TOX: variants seen among roughly 807,000 people sequenced by gnomAD.
The protein encoded by TOX is thymocyte selection associated high mobility group box, also known as thymocyte selection-associated high mobility group box protein TOX.
In TOX, 11 loss-of-function variants were observed where a neutral mutation model predicts 53.7. The observed-to-expected ratio is 0.20, with a 90% CI of 0.13 to 0.34. The LOEUF (loss-of-function observed/expected upper bound fraction) is 0.34, where lower values mean the gene tolerates loss of function less well. Among genes scored for constraint, TOX ranks in the 10% least tolerant of loss-of-function variants. The probability of loss-of-function intolerance (pLI) is 1.00; values close to 1 mark genes in which losing one functional copy is unlikely to be tolerated. For synonymous variants in TOX, 225 were observed against 245.3 expected, an observed-to-expected ratio of 0.92 and a Z score of 0.77; for missense variants, 570 against 664.6, an observed-to-expected ratio of 0.86 and a Z score of 1.56.
chr8:58,909,080 AGT>A (rs1811867522), intron 3 of TOX, among the ~76,000 whole-genome samples: 1 of 152,218 alleles, frequency 6.6e-6, no homozygotes, highest in Non-Finnish European at 1.5e-5. Flanking sequence ...TTTCAACTCT[AGT>A]CACACATTAG....
intron 3 of TOX, among the ~76,000 whole-genome samples, chr8:58,872,385 G>A (rs908374415): frequency 6.6e-6 from 1 of 152,058 alleles, no homozygotes; most frequent in Admixed American, 6.6e-5. Context: ...CCTTCAGAAG[G>A]GGGGAGCACA....
At chr8:58,972,796 T>C (rs1047279488) in intron 1 of TOX, among the ~76,000 whole-genome samples, 60 of 152,332 alleles carry the variant, frequency 3.9e-4, no homozygotes, top group African/African-American at 1.3e-3. Context: ...CACTTCATAT[T>C]TGCTATAAAA....
chr8:58,810,105 CCTTCCAGGTAGCTAGAA>C (rs569407788), intron 7 of TOX, among the ~76,000 whole-genome samples: 32 of 152,108 alleles, frequency 2.1e-4, no homozygotes, highest in African/African-American at 7.5e-4. Flanking sequence ...TATGCCTTGG[CCTTCCAGGTAGCTAGAA>C]CTACAGGTGT....
intron 2 of TOX, among the ~76,000 whole-genome samples, chr8:58,951,089 TC>T (rs1215463030): frequency 6.6e-6 from 1 of 152,214 alleles, no homozygotes; most frequent in Non-Finnish European, 1.5e-5. Flanking sequence ...TTGAAGTATG[TC>T]AACATTTTGT....
chr8:59,104,077 T>A (rs1451535563), intron 1 of TOX, among the ~76,000 whole-genome samples: 1 of 152,206 alleles, frequency 6.6e-6, no homozygotes, highest in Non-Finnish European at 1.5e-5. Flanking sequence ...AAAAGATAGA[T>A]CAATTGCTGG....
rs568146808 is a variant in TOX, at chr8:59,022,316, G to A, written c.103-62308C>T. On this transcript the variant is annotated intron_variant, in intron 1 of 8. Transcript: ENST00000361421. ...CACCCACAATTATCTCACTAATGGA[G>A]GGGGAGGATCAGTGTAGAAAACCCA... Among the ~76,000 whole-genome samples the A allele has an allele frequency of 1.7e-4, 26 of 152,232 alleles. No individual in the cohort carries two copies. The South Asian group carries it at 5.4e-3, about 32-fold the overall frequency.
chr8:58,896,329 T>C (rs1009031404), intron 3 of TOX, among the ~76,000 whole-genome samples: 5 of 152,140 alleles, frequency 3.3e-5, no homozygotes, highest in African/African-American at 9.7e-5. Context: ...AAATAGGTAA[T>C]GAATGTGTCA....
chr8:58,985,564 G>C (rs1171010156), intron 1 of TOX, among the ~76,000 whole-genome samples: 1 of 152,158 alleles, frequency 6.6e-6, no homozygotes, highest in East Asian at 1.9e-4. Context: ...ATGTACTGGA[G>C]ATTGGTTACA....
At chr8:58,967,331 G>A (rs1458621374) in intron 1 of TOX, among the ~76,000 whole-genome samples, 1 of 152,078 alleles carries the variant, frequency 6.6e-6, no homozygotes, top group Non-Finnish European at 1.5e-5. Flanking sequence ...TAATAATCCT[G>A]TAATATTATT....
chr8:58,914,983 G>A (rs1327749879), intron 3 of TOX, among the ~76,000 whole-genome samples: 1 of 151,754 alleles, frequency 6.6e-6, no homozygotes, highest in Non-Finnish European at 1.5e-5. Context: ...CGAATATTGC[G>A]CTTTTCAGAC....
intron 1 of TOX, chr8:58,992,114 A>T (rs1813464597): frequency 6.6e-6 from 1 of 152,250 alleles, no homozygotes; most frequent in African/African-American, 2.4e-5. Flanking sequence ...TTTGTAGTTT[A>T]TGTAAAAATA....
chr8:58,912,212 A>G (rs998458205), intron 3 of TOX, among the ~76,000 whole-genome samples: 2 of 152,224 alleles, frequency 1.3e-5, no homozygotes, highest in Non-Finnish European at 2.9e-5. Flanking sequence ...AAAGAAGTAC[A>G]ATTTACTTTA....
intron 1 of TOX, among the ~76,000 whole-genome samples, chr8:59,040,482 T>C (rs544401794): frequency 6.6e-6 from 1 of 152,356 alleles, no homozygotes; most frequent in South Asian, 2.1e-4. Flanking sequence ...ATGGGCATTT[T>C]GTCAAGCTCA....
At chr8:59,075,866 G>A (rs949019167) in intron 1 of TOX, among the ~76,000 whole-genome samples, 3 of 152,062 alleles carry the variant, frequency 2.0e-5, no homozygotes, top group African/African-American at 4.8e-5. Flanking sequence ...TTAGCCAGGC[G>A]TGGTGGTGCA....
chr8:58,935,824 A>G (rs1180753911), intron 3 of TOX, among the ~76,000 whole-genome samples: 1 of 152,250 alleles, frequency 6.6e-6, no homozygotes, highest in Non-Finnish European at 1.5e-5. Flanking sequence ...CAAATTTAAT[A>G]TTCAAAGTTT....
chr8:59,098,925 T>C (rs999569859), intron 1 of TOX, among the ~76,000 whole-genome samples: 2 of 152,220 alleles, frequency 1.3e-5, no homozygotes, highest in Non-Finnish European at 2.9e-5. Context: ...CGATGTGAAT[T>C]AAAAAGAGTG....
intron 1 of TOX, among the ~76,000 whole-genome samples, chr8:59,025,648 C>G (rs1449593323): frequency 6.6e-6 from 1 of 152,130 alleles, no homozygotes; most frequent in Non-Finnish European, 1.5e-5. Flanking sequence ...GCCTTCTCCC[C>G]CTAGTCTCTC....
In TOX at chr8:59,089,650, G is replaced by A. The variant is rs79906324; in HGVS notation, c.102+29236C>T. On this transcript the variant is annotated intron_variant, in intron 1 of 8. Transcript: ENST00000361421. Reference sequence around the variant, plus strand: ...CTGTCACCTAGGCTGGACGGCAGTCGTCAATCACCACTGACTGCAGCCTCA... The same window carrying A: ...CTGTCACCTAGGCTGGACGGCAGTCATCAATCACCACTGACTGCAGCCTCA... 2.7e-3 allele frequency among the ~76,000 whole-genome samples: 411 copies of A among 152,344 alleles called. 2 individuals are homozygous for A. Among genetic ancestry groups the A allele is most frequent in the Admixed American group, 3.5e-3 (54 of 15,302 alleles).
At chr8:58,893,209 C>CT (rs1811586835) in intron 3 of TOX, among the ~76,000 whole-genome samples, 3 of 100,096 alleles carry the variant, frequency 3.0e-5, no homozygotes, top group African/African-American at 1.0e-4. Context: ...CATCCATAAT[C>CT]TCCCCCCCAC....
Sources: gnomAD v4.1 joint callset for allele counts (sites outside exome capture counted in the v4.1 genomes callset) on GRCh38, gnomAD v4.1.1 for gene constraint, MANE v1.5 for transcripts, NCBI Gene and HGNC (gene_info 2026-07-23, HGNC 2026-07-21) for gene names.